The following CNTN3 variants were observed in gnomAD, a reference collection of about 807,000 sequenced individuals.
CNTN3 encodes contactin-3.
In CNTN3, 60 loss-of-function variants were observed where a neutral mutation model predicts 119.1. The ratio of observed to expected loss-of-function variants is 0.50; its 90% CI spans 0.41 to 0.62. The LOEUF (loss-of-function observed/expected upper bound fraction) is 0.62, where lower values mean the gene tolerates loss of function less well. CNTN3 is among the 20% of genes least tolerant of loss of function. CNTN3 has a pLI of 0.00. For missense variants in CNTN3, 1,101 were observed against 1,242.4 expected, an observed-to-expected ratio of 0.89 and a Z score of 1.71; for synonymous variants, 450 against 438.7, an observed-to-expected ratio of 1.03 and a Z score of -0.32.
intron 1 of CNTN3, among the ~76,000 whole-genome samples, chr3:74,561,182 A>T (rs190396432): frequency 3.3e-4 from 50 of 151,552 alleles, no homozygotes; most frequent in Admixed American, 5.2e-4. Context: ...TAATAAAAAA[A>T]AAATAAAAAA....
At chr3:74,369,443 T>G in intron 7 of CNTN3, 70 bp from the exon 8 acceptor site, 2 of 1,265,692 alleles carry the variant, frequency 1.6e-6, no homozygotes, top group African/African-American at 1.5e-5. Flanking sequence ...ATAAAGCTTT[T>G]AAGATTGAAC....
At chr3:74,317,351 T>C (rs1702859383) in intron 13 of CNTN3, among the ~76,000 whole-genome samples, 1 of 151,914 alleles carries the variant, frequency 6.6e-6, no homozygotes, top group Non-Finnish European at 1.5e-5. Context: ...AAAGTTAATA[T>C]TGTTATGTGT....
At chr3:74,343,325 G>A (rs1482432313) in intron 11 of CNTN3, among the ~76,000 whole-genome samples, 1 of 152,174 alleles carries the variant, frequency 6.6e-6, no homozygotes, top group Non-Finnish European at 1.5e-5. Flanking sequence ...AAACACCAAA[G>A]AGAAAGAAGG....
chr3:74,469,568 G>A (rs1702522741), intron 4 of CNTN3, among the ~76,000 whole-genome samples: 1 of 152,140 alleles, frequency 6.6e-6, no homozygotes, highest in Non-Finnish European at 1.5e-5. Context: ...TCAAAAGCAG[G>A]TATATAGTTG....
At chr3:74,522,755 C>A (rs1226349431) in intron 1 of CNTN3, among the ~76,000 whole-genome samples, 1 of 150,068 alleles carries the variant, frequency 6.7e-6, no homozygotes, top group Non-Finnish European at 1.5e-5. Context: ...CCTACTAGGG[C>A]AGTAAATAAC....
chr3:74,610,357 T>G (rs1705060495), intron 1 of CNTN3, among the ~76,000 whole-genome samples: 1 of 151,454 alleles, frequency 6.6e-6, no homozygotes, highest in African/African-American at 2.4e-5. Context: ...CCCTGTGAGT[T>G]TGTGTGTGTG....
intron 13 of CNTN3, among the ~76,000 whole-genome samples, chr3:74,308,368 T>G (rs555290488): frequency 6.6e-6 from 1 of 152,234 alleles, no homozygotes; most frequent in Non-Finnish European, 1.5e-5. Context: ...ACAGGTAAGA[T>G]GCAATCAGTT....
intron 1 of CNTN3, among the ~76,000 whole-genome samples, chr3:74,540,185 G>A (rs1453265059): frequency 6.6e-6 from 1 of 152,086 alleles, no homozygotes; most frequent in Non-Finnish European, 1.5e-5. Flanking sequence ...CTATTTGTGT[G>A]TATACATATA....
intron 5 of CNTN3, among the ~76,000 whole-genome samples, chr3:74,419,234 A>T (rs1206151141): frequency 3.9e-5 from 6 of 152,218 alleles, no homozygotes; most frequent in South Asian, 2.1e-4. Context: ...ACATAATCAC[A>T]TCCAAAAACA....
chr3:74,576,079 C>T (rs1704411149), intron 1 of CNTN3, among the ~76,000 whole-genome samples: 1 of 152,064 alleles, frequency 6.6e-6, no homozygotes, highest in African/African-American at 2.4e-5. Context: ...CATTCCAGCC[C>T]TCTGCCTCCT....
chr3:74,308,368 T>A lies in CNTN3; in HGVS notation c.1669-5561A>T, dbSNP rs555290488. On this transcript the variant is annotated intron_variant, in intron 13 of 22. Transcript: ENST00000263665. ...CAGGTGATATTTAAGACAGGTAAGA[T>A]GCAATCAGTTAATATCAAAATTTGC... Among the ~76,000 whole-genome samples, 382 of 152,352 alleles carry A rather than the reference T, an allele frequency of 2.5e-3. 3 individuals carry two copies. Among genetic ancestry groups the A allele is most frequent in the African/African-American group, 8.7e-3 (362 of 41,582 alleles).
chr3:74,565,923 T>C (rs1704219371), intron 1 of CNTN3, among the ~76,000 whole-genome samples: 2 of 152,108 alleles, frequency 1.3e-5, no homozygotes, highest in African/African-American at 4.8e-5. Context: ...GCAAGTCTTT[T>C]CCATGCTGTT....
chr3:74,460,267 A>G (rs761589765), intron 4 of CNTN3, among the ~76,000 whole-genome samples: 91 of 152,128 alleles, frequency 6.0e-4, no homozygotes, highest in Non-Finnish European at 1.0e-3. Context: ...AAATTTTAGA[A>G]TAAGTTTTTT....
chr3:74,366,339 T>G (rs779357366), intron 8 of CNTN3, among the ~76,000 whole-genome samples: 1 of 152,146 alleles, frequency 6.6e-6, no homozygotes, highest in Admixed American at 6.6e-5. Context: ...CTTTAAATTA[T>G]GTATGCAAAT....
At position 74,486,439 on chromosome 3, in the gene CNTN3, T is replaced by C; in HGVS notation, c.358+17A>G. ...TTTCTAATGTTGGATTTGCTAGACA[T>C]GTGAACATAAACTTACAGGCAAACT... On this transcript the variant is annotated intron_variant, in intron 4 of 22. Coordinates refer to ENST00000263665, the MANE Select transcript of CNTN3 (RefSeq NM_020872.3). 1 of 1,575,018 alleles carries C rather than the reference T, an allele frequency of 6.3e-7. No homozygotes were observed. Among genetic ancestry groups the C allele is most frequent in the Non-Finnish European group, 8.6e-7 (1 of 1,168,758 alleles).
At chr3:74,595,745 C>T (rs1468221388) in intron 1 of CNTN3, among the ~76,000 whole-genome samples, 1 of 152,068 alleles carries the variant, frequency 6.6e-6, no homozygotes, top group Non-Finnish European at 1.5e-5. Flanking sequence ...ACTGAATGGG[C>T]AAAAACTGGA....
At chr3:74,393,015 A>C (rs1194273096) in intron 5 of CNTN3, among the ~76,000 whole-genome samples, 1 of 152,032 alleles carries the variant, frequency 6.6e-6, no homozygotes, top group Admixed American at 6.6e-5. Flanking sequence ...AATTCTTTTC[A>C]AAAGGTGCTA....
At chr3:74,287,192 T>G (rs1702131833) in intron 19 of CNTN3, among the ~76,000 whole-genome samples, 1 of 152,184 alleles carries the variant, frequency 6.6e-6, no homozygotes. Flanking sequence ...GCAATACAAT[T>G]TTTTCCTTCA....
chr3:74,391,661 G>C (rs1575681388), intron 5 of CNTN3, among the ~76,000 whole-genome samples: 1 of 150,388 alleles, frequency 6.6e-6, no homozygotes, highest in South Asian at 2.1e-4. Context: ...CCACCCCCGG[G>C]GTTCAAGTGA....
Sources: allele counts gnomAD v4.1 joint callset (sites outside exome capture counted in the v4.1 genomes callset), GRCh38; gene constraint gnomAD v4.1.1; transcripts MANE v1.5; gene names NCBI Gene and HGNC (gene_info 2026-07-23, HGNC 2026-07-21).